The following CDH4 variants were observed in gnomAD, a reference collection of about 807,000 sequenced individuals.
The protein encoded by CDH4 is cadherin-4.
CDH4 carries 33 observed loss-of-function variants against 86.0 expected under a neutral mutation model. The ratio of observed to expected loss-of-function variants is 0.38; its 90% CI spans 0.29 to 0.51. The LOEUF is 0.51. Among genes scored for constraint, CDH4 ranks in the 20% least tolerant of loss-of-function variants. The probability of loss-of-function intolerance (pLI) is 0.86; values close to 1 mark genes in which losing one functional copy is unlikely to be tolerated. For synonymous variants in CDH4, 555 were observed against 549.4 expected, an observed-to-expected ratio of 1.01 and a Z score of -0.14; for missense variants, 1,114 against 1,307.4, an observed-to-expected ratio of 0.85 and a Z score of 2.28.
intron 2 of CDH4, among the ~76,000 whole-genome samples, chr20:61,583,286 T>C (rs1363052024): frequency 4.5e-5 from 2 of 44,154 alleles, no homozygotes; most frequent in Non-Finnish European, 4.1e-5. Context: ...GGACAGACGG[T>C]TCTGCGGGGG....
At chr20:61,761,795 A>C (rs1332867236) in intron 3 of CDH4, among the ~76,000 whole-genome samples, 1 of 152,146 alleles carries the variant, frequency 6.6e-6, no homozygotes, top group East Asian at 1.9e-4. Flanking sequence ...GAGCTCCCAG[A>C]ACCTTCCATC....
intron 2 of CDH4, among the ~76,000 whole-genome samples, chr20:61,430,989 C>T (rs1481820719): frequency 2.0e-5 from 3 of 152,198 alleles, no homozygotes; most frequent in Non-Finnish European, 4.4e-5. Context: ...GCCCCAGACG[C>T]CTCCTTCCCG....
At chr20:61,796,197 C>T (rs2146024338) in intron 4 of CDH4, among the ~76,000 whole-genome samples, 1 of 152,280 alleles carries the variant, frequency 6.6e-6, no homozygotes, top group African/African-American at 2.4e-5. Context: ...TATCATTTTA[C>T]TCCTATCGTT....
At chr20:61,450,198 T>C (rs941068381) in intron 2 of CDH4, among the ~76,000 whole-genome samples, 4 of 152,196 alleles carry the variant, frequency 2.6e-5, no homozygotes, top group African/African-American at 9.6e-5. Context: ...TTCAGGGCTG[T>C]CTCTGTATGA....
chr20:61,819,293 C>T (rs1234731070), intron 4 of CDH4, among the ~76,000 whole-genome samples: 1 of 152,252 alleles, frequency 6.6e-6, no homozygotes. Flanking sequence ...CAGAAACTGC[C>T]CCCTTCTAAG....
At chr20:61,746,985 T>A (rs1401108663) in intron 3 of CDH4, among the ~76,000 whole-genome samples, 1 of 152,232 alleles carries the variant, frequency 6.6e-6, no homozygotes, top group African/African-American at 2.4e-5. Context: ...CCTGGCCGCC[T>A]GCCAGAAGCA....
At chr20:61,889,705 TAGA>T (rs1243696040) in intron 7 of CDH4, among the ~76,000 whole-genome samples, 10 of 146,930 alleles carry the variant, frequency 6.8e-5, no homozygotes, top group Admixed American at 6.1e-4. Flanking sequence ...GATGGATGGA[TAGA>T]TGATGGATGG....
chr20:61,741,113 G>T (rs951126351), intron 2 of CDH4, among the ~76,000 whole-genome samples: 1 of 152,190 alleles, frequency 6.6e-6, no homozygotes, highest in Non-Finnish European at 1.5e-5. Flanking sequence ...GGAGGCTGAG[G>T]CAGAAGAATT....
chr20:61,547,424 C>T (rs1034419955), intron 2 of CDH4, among the ~76,000 whole-genome samples: 2 of 151,774 alleles, frequency 1.3e-5, no homozygotes, highest in African/African-American at 4.8e-5. Context: ...CTACATTAGC[C>T]AGGATGGTCT....
intron 4 of CDH4, among the ~76,000 whole-genome samples, chr20:61,774,301 G>T (rs2088813183): frequency 1.3e-5 from 2 of 152,186 alleles, no homozygotes; most frequent in Admixed American, 1.3e-4. Context: ...AAGCCACCAG[G>T]GGTTGGAACC....
intron 2 of CDH4, among the ~76,000 whole-genome samples, chr20:61,399,650 G>T (rs958475498): frequency 1.3e-5 from 2 of 152,168 alleles, no homozygotes; most frequent in Non-Finnish European, 2.9e-5. Context: ...CCTCGCTGCA[G>T]GACTTGGCAA....
chr20:61,469,096 C>T (rs2085488578), intron 2 of CDH4, among the ~76,000 whole-genome samples: 1 of 151,978 alleles, frequency 6.6e-6, no homozygotes, highest in South Asian at 2.1e-4. Flanking sequence ...CATGTGGTAG[C>T]CCTATTTTTA....
At chr20:61,917,357 C>T (rs907372505) in intron 9 of CDH4, among the ~76,000 whole-genome samples, 3 of 152,250 alleles carry the variant, frequency 2.0e-5, no homozygotes, top group Non-Finnish European at 2.9e-5. Flanking sequence ...AGGAGCAAGG[C>T]CCAGGTCCAG....
chr20:61,345,870 A>G lies in CDH4; in HGVS notation c.169+90933A>G, dbSNP rs547039999. ...CAAGAGGAGAGGCGCTCTCCAAGGT[A>G]TGCATTCCTTAGGGTGCCCTGTCAG... On this transcript the variant is annotated intron_variant, in intron 2 of 15. Transcript: ENST00000614565. Among the ~76,000 whole-genome samples the G allele has an allele frequency of 2.0e-5, 3 of 152,306 alleles. No individual in the cohort carries two copies. The South Asian group carries it at 6.2e-4, about 32-fold the overall frequency.
intron 2 of CDH4, among the ~76,000 whole-genome samples, chr20:61,259,539 G>A (rs1300397371): frequency 6.6e-6 from 1 of 152,196 alleles, no homozygotes. Context: ...TCGTGTTTCC[G>A]AGTCGCTTTG....
At chr20:61,831,633 T>C (rs1463102442) in intron 4 of CDH4, among the ~76,000 whole-genome samples, 1 of 152,198 alleles carries the variant, frequency 6.6e-6, no homozygotes, top group Non-Finnish European at 1.5e-5. Context: ...AAAGCAAATG[T>C]CCGGCAGGCC....
At chr20:61,418,531 G>A (rs572876780) in intron 2 of CDH4, among the ~76,000 whole-genome samples, 20 of 152,240 alleles carry the variant, frequency 1.3e-4, no homozygotes, top group African/African-American at 4.3e-4. Flanking sequence ...GACTAAGTGA[G>A]GTTATTGTGT....
intron 3 of CDH4, among the ~76,000 whole-genome samples, chr20:61,767,534 C>T (rs1016756317): frequency 2.0e-5 from 3 of 152,282 alleles, no homozygotes; most frequent in South Asian, 2.1e-4. Flanking sequence ...AGGAGCAGGG[C>T]CTTGGGCGGT....
At chr20:61,650,603 G>A (rs992370469) in intron 2 of CDH4, among the ~76,000 whole-genome samples, 1 of 152,102 alleles carries the variant, frequency 6.6e-6, no homozygotes, top group African/African-American at 2.4e-5. Flanking sequence ...CAGCCAGGAG[G>A]ACACACCCTG....
Sources: allele counts gnomAD v4.1 joint callset (sites outside exome capture counted in the v4.1 genomes callset), GRCh38; gene constraint gnomAD v4.1.1; transcripts MANE v1.5; gene names NCBI Gene and HGNC (gene_info 2026-07-23, HGNC 2026-07-21).